Variants in BTBD10 observed in about 807,000 individuals in gnomAD.
The protein encoded by BTBD10 is BTB/POZ domain-containing protein 10.
In BTBD10, 21 loss-of-function variants were observed where a neutral mutation model predicts 53.2. The observed-to-expected ratio is 0.39, with a 90% confidence interval of 0.28 to 0.57. BTBD10 has a LOEUF of 0.57. Ranked by LOEUF, BTBD10 falls within the 20% of genes least tolerant of loss-of-function variation. The pLI is 0.53. For missense variants in BTBD10, 360 were observed against 594.7 expected, an observed-to-expected ratio of 0.61 and a Z score of 4.10; for synonymous variants, 149 against 192.7, an observed-to-expected ratio of 0.77 and a Z score of 1.88.
At position 13,389,154 on chromosome 11, in the gene BTBD10, A is replaced by G. The variant is rs758725248; in HGVS notation, c.1118-13T>C. 6.7e-7 allele frequency: 1 copy of G among 1,483,546 alleles called. No individual in the cohort carries two copies. Among genetic ancestry groups the G allele is most frequent in the Non-Finnish European group, 9.3e-7 (1 of 1,075,102 alleles). The allele number at this position is 1,483,546 out of a possible 1,614,324, so 91.9% of individuals were successfully genotyped here. On this transcript the variant is annotated splice_polypyrimidine_tract_variant and intron_variant, in intron 8 of 8. Coordinates refer to ENST00000278174, the MANE Select transcript of BTBD10 (RefSeq NM_032320.7). ...TAGGTAGGATAACCTGAAAGAAAGA[A>G]AGATTTTAAAAACTGAGGAGACACA...
At chr11:13,451,929 T>C (rs1270590923) in intron 1 of BTBD10, among the ~76,000 whole-genome samples, 4 of 151,720 alleles carry the variant, frequency 2.6e-5, no homozygotes, top group East Asian at 1.9e-4. Context: ...TCAAAAGAAA[T>C]GGAAATTCAG....
chr11:13,415,211 C>T (rs528947740), intron 5 of BTBD10, among the ~76,000 whole-genome samples: 9 of 149,672 alleles, frequency 6.0e-5, no homozygotes, highest in Admixed American at 1.3e-4. Flanking sequence ...CCTCCTGGCT[C>T]AAAAGATCTT....
At position 13,412,051 on chromosome 11, in the gene BTBD10, G is replaced by A. The variant is rs371545690; in HGVS notation, c.808+1479C>T. The stretch of plus-strand genomic sequence containing the variant: ...TCTCCATGTTGGTCAGGCTGGTCTC[G>A]AACTCCCGACCTCAGGTGATCCGAC... On this transcript the variant is annotated intron_variant, in intron 6 of 8. Coordinates refer to ENST00000278174, the MANE Select transcript of BTBD10 (RefSeq NM_032320.7). 3.4e-4 allele frequency among the ~76,000 whole-genome samples: 52 copies of A among 152,082 alleles called. No homozygotes were observed. In the East Asian group the frequency reaches 7.2e-3, roughly 21 times the overall value.
intron 6 of BTBD10, among the ~76,000 whole-genome samples, chr11:13,409,995 C>T (rs990254720): frequency 2.0e-5 from 3 of 152,008 alleles, no homozygotes; most frequent in Admixed American, 1.3e-4. Context: ...TCTGGGAAGT[C>T]GGTGAGGAAG....
chr11:13,458,939 T>A (rs11022836), intron 1 of BTBD10, among the ~76,000 whole-genome samples: 21,033 of 152,196 alleles, frequency 0.14, 1,997 homozygotes, highest in East Asian at 0.51. Flanking sequence ...CCAGCACTAT[T>A]TGTATGCCAC....
intron 4 of BTBD10, 71 bp downstream of exon 4, chr11:13,419,389 C>A: frequency 6.4e-7 from 1 of 1,551,240 alleles, no homozygotes; most frequent in Non-Finnish European, 8.7e-7. Context: ...TACTGTAAAA[C>A]TTAAACAAAA....
At chr11:13,421,425 A>C (rs549546539) in intron 3 of BTBD10, among the ~76,000 whole-genome samples, 11 of 152,342 alleles carry the variant, frequency 7.2e-5, no homozygotes, top group Admixed American at 7.2e-4. Context: ...TTATTTTATA[A>C]GACTGTCCCA....
chr11:13,417,168 C>G lies in BTBD10; in HGVS notation c.677G>C (p.Arg226Pro), dbSNP rs377317797. The change falls in exon 5 of 9, where the codon CGA becomes CCA. Residue 226 changes from arginine to proline, a missense_variant. Physicochemically the swap from Arg to Pro is moderately radical, Grantham distance 103. Transcript: ENST00000278174. ...ATAAGAAACACTCACCAGAATCGCTCGAAACACAGTGGAACCAATTCCCTC... is the reference window on the plus strand; with the variant it reads ...ATAAGAAACACTCACCAGAATCGCTGGAAACACAGTGGAACCAATTCCCTC... The part of the protein sequence containing the change: ...VAEGIGSTVF[R>P]AILDYYKTGI... 2 of 1,611,746 alleles carry G rather than the reference C, an allele frequency of 1.2e-6. No individual in the cohort carries two copies. Among genetic ancestry groups the G allele is most frequent in the Non-Finnish European group, 1.7e-6 (2 of 1,179,062 alleles).
At chr11:13,389,748 G>A (rs1949358539) in intron 8 of BTBD10, among the ~76,000 whole-genome samples, 2 of 152,192 alleles carry the variant, frequency 1.3e-5, no homozygotes, top group South Asian at 4.2e-4. Context: ...TTATATTCTC[G>A]TCACAGGATT....
chr11:13,405,554 G>T (rs1591105212), intron 7 of BTBD10, 105 bp downstream of exon 7: 1 of 1,218,072 alleles, frequency 8.2e-7, no homozygotes, highest in Non-Finnish European at 1.2e-6. Flanking sequence ...ATAGGTGATG[G>T]GCTGGATTGA....
intron 6 of BTBD10, among the ~76,000 whole-genome samples, chr11:13,409,685 C>T (rs907478577): frequency 2.0e-5 from 3 of 152,168 alleles, no homozygotes; most frequent in Admixed American, 6.5e-5. Flanking sequence ...TCGGCTTTAA[C>T]GGCACTTAGA....
At chr11:13,415,107 CTTT>C (rs756343405) in intron 5 of BTBD10, among the ~76,000 whole-genome samples, 1 of 127,086 alleles carries the variant, frequency 7.9e-6, no homozygotes, top group East Asian at 2.3e-4. Flanking sequence ...TCAATCAAAC[CTTT>C]TTTTTTTTTT....
At chr11:13,389,208 G>GAA in intron 8 of BTBD10, 67 bp from the exon 9 acceptor site, 1 of 1,401,146 alleles carries the variant, frequency 7.1e-7, no homozygotes, top group Non-Finnish European at 9.7e-7. Context: ...TTTCGCCTTA[G>GAA]AAAGCTTTTC....
intron 6 of BTBD10, among the ~76,000 whole-genome samples, chr11:13,409,446 G>C (rs1483350917): frequency 1.3e-5 from 2 of 152,122 alleles, no homozygotes; most frequent in African/African-American, 4.8e-5. Context: ...ACAGTGCTTA[G>C]TACAGAGTAG....
At chr11:13,417,970 G>T (rs1466350526) in intron 4 of BTBD10, among the ~76,000 whole-genome samples, 1 of 152,026 alleles carries the variant, frequency 6.6e-6, no homozygotes, top group Non-Finnish European at 1.5e-5. Flanking sequence ...GTTTAGAAAA[G>T]ACACAATTTC....
At chr11:13,428,905 T>C (rs752767057) in intron 2 of BTBD10, among the ~76,000 whole-genome samples, 7 of 152,138 alleles carry the variant, frequency 4.6e-5, no homozygotes, top group Non-Finnish European at 8.8e-5. Flanking sequence ...CTAGAACCAA[T>C]GAGTTCAGCA....
chr11:13,395,083 G>C (rs1277745018), intron 8 of BTBD10, among the ~76,000 whole-genome samples: 2 of 147,022 alleles, frequency 1.4e-5, no homozygotes, highest in African/African-American at 2.5e-5. Context: ...GGGTCAAATG[G>C]TATTTCTAGT....
At chr11:13,448,084 C>T (rs7120714) in intron 1 of BTBD10, among the ~76,000 whole-genome samples, 19,188 of 152,118 alleles carry the variant, frequency 0.13, 1,844 homozygotes, top group East Asian at 0.49. Context: ...GTATATTTGT[C>T]GGATTTCATT....
In BTBD10 at chr11:13,405,853, G is replaced by A; in HGVS notation, c.812C>T (p.Ala271Val). ...YSTIKCRDLS[A>V]LMHELSNDGA... ...ATCATTTGATAACTCATGCATTAGG[G>A]CACCTGAAATGAAATCCACAAAAAT... Residue 271 changes from alanine (A) to valine (V), a missense_variant, in exon 7 of 9, where the codon GCC (alanine) becomes GTC (valine). Around this residue, in one of 6 missense-constraint regions of BTBD10, gnomAD observed 91 missense variants for 171.7 expected, o/e 0.53. Coordinates refer to ENST00000278174, the MANE Select transcript of BTBD10 (RefSeq NM_032320.7). 3 of 1,611,842 alleles carry A rather than the reference G, an allele frequency of 1.9e-6. No individual in the cohort carries two copies. The highest frequency in any genetic ancestry group is 2.5e-6 in the Non-Finnish European group (3 of 1,178,674).
Sources: allele counts gnomAD v4.1 joint callset (sites outside exome capture counted in the v4.1 genomes callset), GRCh38; gene constraint gnomAD v4.1.1; regional missense constraint gnomAD v4.1.1; transcripts MANE v1.5; gene names NCBI Gene and HGNC (gene_info 2026-07-23, HGNC 2026-07-21).